The following KIAA1549 variants were observed in gnomAD, a reference collection of about 807,000 sequenced individuals.
KIAA1549 encodes KIAA1549.
A neutral mutation model predicts 156.4 loss-of-function variants in KIAA1549; 70 were observed. That is an observed-to-expected ratio of 0.45 (90% CI 0.37 to 0.55). KIAA1549 has a LOEUF of 0.55. KIAA1549 is among the 20% of genes least tolerant of loss of function. The pLI is 0.00. For missense variants in KIAA1549, 2,428 were observed against 2,540.9 expected (o/e 0.96, Z 0.96); for synonymous variants, 1,103 against 1,066.4 (o/e 1.03, Z -0.67).
rs768849251 is a variant in KIAA1549, at chr7:138,918,047, G to C, written c.1579C>G (p.Arg527Gly). The C allele has an allele frequency of 2.5e-6, 4 of 1,611,952 alleles. No individual in the cohort carries two copies. The highest frequency in any genetic ancestry group is 1.7e-5 in the Admixed American group (1 of 59,706). Residue 527 changes from arginine to glycine, a missense_variant, in exon 2 of 20, where the codon CGC becomes GGC. This residue lies in a region of KIAA1549 where 893 missense variants were observed against 847.9 expected (regional missense o/e 1.05). Coordinates refer to ENST00000422774, the MANE Select transcript of KIAA1549 (RefSeq NM_001164665.2). This position sits in a 1 kb window ranked among gnomAD's most constrained non-coding sequence, Gnocchi z 4.2. ...TCAAGTGACGCCGGCACAGAGAGGCGGCCGTGGGCAGGGGGAACCTGTGTG... is the reference window on the plus strand; with the variant it reads ...TCAAGTGACGCCGGCACAGAGAGGCCGCCGTGGGCAGGGGGAACCTGTGTG... ...TTTQVPPAHG[R>G]LSVPASLDPT... is the part of the protein sequence containing the mutation.
At chr7:138,860,381 T>C (rs561375907) in intron 16 of KIAA1549, among the ~76,000 whole-genome samples, 14 of 152,306 alleles carry the variant, frequency 9.2e-5, no homozygotes, top group South Asian at 2.1e-4. Flanking sequence ...CATATGTCTA[T>C]TGCCACCCAA....
intron 1 of KIAA1549, 91 bp downstream of exon 1, chr7:138,980,992 G>A: frequency 9.0e-7 from 1 of 1,113,818 alleles, no homozygotes; most frequent in South Asian, 4.5e-5. Flanking sequence ...GAATAAAAGA[G>A]GATGGGCGGG....
chr7:138,889,558 G>A (rs190241118), intron 10 of KIAA1549, among the ~76,000 whole-genome samples: 2 of 152,180 alleles, frequency 1.3e-5, no homozygotes, highest in Admixed American at 6.5e-5. Context: ...AATAGCTGAT[G>A]ACCAGATGAA....
intron 1 of KIAA1549, among the ~76,000 whole-genome samples, chr7:138,941,662 T>C (rs945328212): frequency 2.3e-4 from 35 of 152,204 alleles, no homozygotes; most frequent in African/African-American, 4.8e-5. Context: ...TTCCGCATAA[T>C]CACTTACTGA....
chr7:138,856,832 G>C (rs1810407753), intron 16 of KIAA1549, among the ~76,000 whole-genome samples: 1 of 152,190 alleles, frequency 6.6e-6, no homozygotes, highest in Admixed American at 6.5e-5. Context: ...CATTATTTCT[G>C]GGTGTGTCTG....
chr7:138,953,110 C>T (rs1393330758), intron 1 of KIAA1549, among the ~76,000 whole-genome samples: 1 of 152,232 alleles, frequency 6.6e-6, no homozygotes, highest in Non-Finnish European at 1.5e-5. Flanking sequence ...AATCCCAGCA[C>T]TTTCGGAGGC....
intron 17 of KIAA1549, 95 bp from the exon 18 acceptor site, chr7:138,844,569 T>TAA: frequency 8.6e-7 from 1 of 1,161,848 alleles, no homozygotes; most frequent in South Asian, 2.1e-5. Context: ...AGGTAACACT[T>TAA]ATTTGTCTAC....
At chr7:138,965,657 A>G (rs1563096631) in intron 1 of KIAA1549, among the ~76,000 whole-genome samples, 1 of 152,200 alleles carries the variant, frequency 6.6e-6, no homozygotes. Context: ...AAAAAAAGCA[A>G]GCTGCCAAAC....
intron 8 of KIAA1549, among the ~76,000 whole-genome samples, chr7:138,900,941 C>T (rs564260810): frequency 9.0e-4 from 137 of 152,312 alleles, no homozygotes; most frequent in African/African-American, 2.2e-3. Context: ...TATTCCTTTA[C>T]GGCAACATCA....
chr7:138,906,438 G>A (rs144438690), intron 6 of KIAA1549, among the ~76,000 whole-genome samples: 33 of 152,240 alleles, frequency 2.2e-4, no homozygotes, highest in African/African-American at 7.2e-4. Flanking sequence ...ATGAATGTGC[G>A]GAAGCAGGAG....
At chr7:138,944,077 A>AT (rs71169068) in intron 1 of KIAA1549, among the ~76,000 whole-genome samples, 40,378 of 145,054 alleles carry the variant, frequency 0.28, 6,678 homozygotes, top group African/African-American at 0.48. Flanking sequence ...CTCTCTTAGC[A>AT]TTTTTTTTTT....
chr7:138,963,198 C>T (rs1413876715), intron 1 of KIAA1549, among the ~76,000 whole-genome samples: 2 of 152,206 alleles, frequency 1.3e-5, no homozygotes, highest in East Asian at 1.9e-4. Flanking sequence ...CTGGCACTGG[C>T]AAACCCAAAA....
intron 1 of KIAA1549, among the ~76,000 whole-genome samples, chr7:138,924,708 G>A (rs935821044): frequency 3.3e-5 from 5 of 152,134 alleles, no homozygotes; most frequent in African/African-American, 4.8e-5. Flanking sequence ...CAAAGCGGCT[G>A]CAGTGCCAAA....
rs145489214 is a variant in KIAA1549 at position 138,861,195 on chromosome 7, C to G, written c.5191G>C (p.Ala1731Pro). ...NSTPSQEERRATQWGSFYSPA... is the reference protein window; with the variant it reads ...NSTPSQEERRPTQWGSFYSPA... ...CTGTAGAAGGACCCCCACTGGGTGG[C>G]TCGCCTCTCTTCCTGGGAAGGGGTG... The change falls in exon 16 of 20, where the codon GCC (alanine) becomes CCC (proline). Residue 1731 changes from alanine (A) to proline (P), a missense_variant. Physicochemically the swap from Ala to Pro is conservative, Grantham distance 27 (BLOSUM62 -1). This residue lies in a region of KIAA1549 where 363 missense variants were observed against 354.0 expected (regional missense o/e 1.03). Coordinates refer to ENST00000422774, the MANE Select transcript of KIAA1549 (RefSeq NM_001164665.2). The G allele has an allele frequency of 1.6e-4, 257 of 1,613,794 alleles. 1 individual carries two copies. In the East Asian group the frequency reaches 5.6e-3, roughly 35 times the overall value.
intron 1 of KIAA1549, among the ~76,000 whole-genome samples, chr7:138,924,191 T>C (rs1584760376): frequency 6.7e-6 from 1 of 148,274 alleles, no homozygotes; most frequent in South Asian, 2.2e-4. Flanking sequence ...TCTTTTTTTT[T>C]TTTCTTTTTT....
chr7:138,890,756 A>C (rs572070973), intron 10 of KIAA1549, among the ~76,000 whole-genome samples: 1 of 152,346 alleles, frequency 6.6e-6, no homozygotes, highest in Non-Finnish European at 1.5e-5. Flanking sequence ...TTCACTGTCC[A>C]TACTGCCTCC....
chr7:138,842,658 A>G lies in KIAA1549; in HGVS notation c.5452+1659T>C, dbSNP rs906265893. Among the ~76,000 whole-genome samples, 23 of 150,458 alleles carry G rather than the reference A, an allele frequency of 1.5e-4. 1 individual carries two copies. The highest frequency in any genetic ancestry group is 2.9e-5 in the Non-Finnish European group (2 of 67,808). On this transcript the variant is annotated intron_variant, in intron 18 of 19. Transcript: ENST00000422774. ...CAGTGCGCCGAGACTGTGCCACTGC[A>G]CTCCAGCCTGGGCGACAGAACAAAA... is the stretch of plus-strand genomic sequence containing the variant.
chr7:138,964,737 T>C lies in KIAA1549; in HGVS notation c.187+16346A>G, dbSNP rs553687829. 4.6e-5 allele frequency among the ~76,000 whole-genome samples: 7 copies of C among 152,334 alleles called. No homozygotes were observed. In the South Asian group the frequency reaches 8.3e-4, roughly 18 times the overall value. On this transcript the variant is annotated intron_variant, in intron 1 of 19. Transcript: ENST00000422774. ...TAAAGACTGGTCACAGCCTGTATTA[T>C]GGAGGAGAGAAGCAAGCTGGCACTC...
At chr7:138,913,237 T>C (rs1041929132) in intron 2 of KIAA1549, among the ~76,000 whole-genome samples, 4 of 152,166 alleles carry the variant, frequency 2.6e-5, no homozygotes, top group African/African-American at 7.2e-5. Context: ...TCTTCCTCTG[T>C]AAAATGAGGT....
Sources: gnomAD v4.1 joint callset for allele counts (sites outside exome capture counted in the v4.1 genomes callset) on GRCh38, gnomAD v4.1.1 for gene constraint, gnomAD v4.1.1 regional missense constraint, Gnocchi (gnomAD v3.1) non-coding constraint, MANE v1.5 for transcripts, NCBI Gene and HGNC (gene_info 2026-07-23, HGNC 2026-07-21) for gene names.